SLC9C1: variants seen among roughly 807,000 people sequenced by gnomAD.
SLC9C1 encodes sodium/hydrogen exchanger 10.
A neutral mutation model predicts 140.9 loss-of-function variants in SLC9C1; 97 were observed. That is an observed-to-expected ratio of 0.69 (90% CI 0.58 to 0.82). The LOEUF is 0.82. Ranked by LOEUF, SLC9C1 falls within the 40% of genes least tolerant of loss-of-function variation. SLC9C1 has a pLI of 0.00. For missense variants in SLC9C1, 1,340 were observed against 1,389.3 expected (o/e 0.96, Z 0.56); for synonymous variants, 440 against 442.6 (o/e 0.99, Z 0.07).
rs200794966 is a variant in SLC9C1, at chr3:112,180,562, A to G, written c.2748+2T>C. ...AAAACAAAACAAAAACCTCTGCCTTACCTTTACCATGCCTGAAATAATGAT... is the reference window on the plus strand; with the variant it reads ...AAAACAAAACAAAAACCTCTGCCTTGCCTTTACCATGCCTGAAATAATGAT... On this transcript the variant is annotated splice_donor_variant, in intron 22 of 28. Coordinates refer to ENST00000305815, the MANE Select transcript of SLC9C1 (RefSeq NM_183061.3). LOFTEE classifies it high-confidence loss of function. 1.2e-5 allele frequency: 19 copies of G among 1,600,632 alleles called. No individual in the cohort carries two copies. The highest frequency in any genetic ancestry group is 1.7e-4 in the Middle Eastern group (1 of 6,012).
At chr3:112,175,667 G>A (rs2077323078) in intron 23 of SLC9C1, among the ~76,000 whole-genome samples, 3 of 152,206 alleles carry the variant, frequency 2.0e-5, no homozygotes, top group Non-Finnish European at 4.4e-5. Context: ...CCAGTTGGGA[G>A]ATTCTGCCTA....
chr3:112,158,983 T>C (rs79247946), intron 26 of SLC9C1, among the ~76,000 whole-genome samples: 15,798 of 151,834 alleles, frequency 0.1, 881 homozygotes, highest in East Asian at 0.2. Context: ...TTAAAATCAT[T>C]ATTATTTCCA....
intron 15 of SLC9C1, among the ~76,000 whole-genome samples, chr3:112,212,083 C>T (rs1264156721): frequency 2.6e-5 from 4 of 152,218 alleles, no homozygotes; most frequent in African/African-American, 4.8e-5. Context: ...GCTGCTGATA[C>T]CCAGGCAAAC....
At chr3:112,291,610 A>C (rs2080684750) in intron 1 of SLC9C1, among the ~76,000 whole-genome samples, 1 of 152,224 alleles carries the variant, frequency 6.6e-6, no homozygotes. Context: ...TAAAAAGTCA[A>C]AAAATAACAG....
intron 13 of SLC9C1, among the ~76,000 whole-genome samples, chr3:112,222,769 A>G (rs1259974061): frequency 6.6e-6 from 1 of 152,168 alleles, no homozygotes; most frequent in Non-Finnish European, 1.5e-5. Context: ...TGGCCTCATA[A>G]CATTTTTAAG....
intron 27 of SLC9C1, among the ~76,000 whole-genome samples, chr3:112,153,423 T>C (rs1488268257): frequency 6.6e-6 from 1 of 152,196 alleles, no homozygotes; most frequent in Admixed American, 6.5e-5. Context: ...TTATTTTAAA[T>C]GTCCTCCTCA....
chr3:112,162,634 G>T lies in SLC9C1; in HGVS notation c.3364+4587C>A, dbSNP rs563943611. On this transcript the variant is annotated intron_variant, in intron 26 of 28. Coordinates refer to ENST00000305815, the MANE Select transcript of SLC9C1 (RefSeq NM_183061.3). ...CAGGGATGAAGCCCACTTGACCATG[G>T]TGGATTATCTTTTTGATGTACTGCT... Among the ~76,000 whole-genome samples, 4 of 152,288 alleles carry T rather than the reference G, an allele frequency of 2.6e-5. No individual in the cohort carries two copies. The South Asian group carries it at 8.3e-4, about 32-fold the overall frequency.
At chr3:112,281,783 A>T (rs766712016) in intron 2 of SLC9C1, among the ~76,000 whole-genome samples, 1 of 152,232 alleles carries the variant, frequency 6.6e-6, no homozygotes, top group Non-Finnish European at 1.5e-5. Context: ...AATTGAAGCA[A>T]GAACAAACAT....
At chr3:112,197,506 G>T (rs575603081) in intron 20 of SLC9C1, among the ~76,000 whole-genome samples, 1 of 152,254 alleles carries the variant, frequency 6.6e-6, no homozygotes, top group East Asian at 1.9e-4. Flanking sequence ...ATAGCTGCCT[G>T]CCATGGTGCT....
chr3:112,211,573 T>TC (rs2078206589), intron 15 of SLC9C1, among the ~76,000 whole-genome samples: 1 of 152,222 alleles, frequency 6.6e-6, no homozygotes, highest in African/African-American at 2.4e-5. Flanking sequence ...CGCACCTGGC[T>TC]CGGAGGGTCC....
chr3:112,242,389 G>A (rs1348347547), intron 11 of SLC9C1, among the ~76,000 whole-genome samples: 1 of 152,154 alleles, frequency 6.6e-6, no homozygotes, highest in Non-Finnish European at 1.5e-5. Context: ...CAGCATGGAT[G>A]GAACTGGAGG....
intron 10 of SLC9C1, among the ~76,000 whole-genome samples, chr3:112,260,035 A>G (rs1478271500): frequency 9.9e-5 from 15 of 152,122 alleles, no homozygotes; most frequent in African/African-American, 2.4e-5. Context: ...GATGATTTCA[A>G]TTCTTTCATG....
At chr3:112,283,730 CAGTTA>C (rs541041437) in intron 2 of SLC9C1, among the ~76,000 whole-genome samples, 90 of 149,410 alleles carry the variant, frequency 6.0e-4, no homozygotes, top group African/African-American at 2.0e-3. Flanking sequence ...TTGGTTACCA[CAGTTA>C]AGTTAAATAA....
intron 16 of SLC9C1, 114 bp from the exon 17 acceptor site, chr3:112,204,517 T>A: frequency 8.7e-7 from 1 of 1,151,252 alleles, no homozygotes; most frequent in Admixed American, 3.1e-5. Flanking sequence ...TCCACATGTA[T>A]GAAATATCCT....
At chr3:112,217,100 C>T (rs574056582) in intron 15 of SLC9C1, among the ~76,000 whole-genome samples, 1 of 152,124 alleles carries the variant, frequency 6.6e-6, no homozygotes, top group African/African-American at 2.4e-5. Flanking sequence ...CAAACTATTG[C>T]AAGGACGAAA....
intron 28 of SLC9C1, among the ~76,000 whole-genome samples, chr3:112,141,796 C>T (rs188322228): frequency 6.6e-6 from 1 of 152,226 alleles, no homozygotes; most frequent in Admixed American, 6.5e-5. Context: ...CAAAACCACT[C>T]CTATTCTCAT....
At chr3:112,259,010 C>T (rs1278951172) in intron 10 of SLC9C1, among the ~76,000 whole-genome samples, 1 of 152,026 alleles carries the variant, frequency 6.6e-6, no homozygotes, top group Non-Finnish European at 1.5e-5. Flanking sequence ...GGAAATCCAC[C>T]CCCATGATCC....
chr3:112,142,056 T>G (rs1401811673), intron 28 of SLC9C1, among the ~76,000 whole-genome samples: 1 of 152,180 alleles, frequency 6.6e-6, no homozygotes, highest in Admixed American at 6.5e-5. Context: ...TTGTACACAT[T>G]TACTGTAAGA....
At chr3:112,211,714 C>G (rs1264636859) in intron 15 of SLC9C1, among the ~76,000 whole-genome samples, 3 of 152,230 alleles carry the variant, frequency 2.0e-5, no homozygotes, top group Admixed American at 6.5e-5. Flanking sequence ...CCGGGAGGCT[C>G]AAGCTGGGTG....
Sources: allele counts gnomAD v4.1 joint callset (sites outside exome capture counted in the v4.1 genomes callset), GRCh38; gene constraint gnomAD v4.1.1; transcripts MANE v1.5; gene names NCBI Gene and HGNC (gene_info 2026-07-23, HGNC 2026-07-21).